ATF1: variants seen among roughly 807,000 people sequenced by gnomAD.
ATF1 encodes cyclic AMP-dependent transcription factor ATF-1.
In ATF1, 16 loss-of-function variants were observed where a neutral mutation model predicts 34.7. That is an observed-to-expected ratio of 0.46 (90% CI 0.31 to 0.70). The LOEUF is 0.70. Ranked by LOEUF, ATF1 falls within the 30% of genes least tolerant of loss-of-function variation. The pLI is 0.05. For synonymous variants in ATF1, 105 were observed against 113.1 expected, an observed-to-expected ratio of 0.93 and a Z score of 0.46; for missense variants, 255 against 321.6, an observed-to-expected ratio of 0.79 and a Z score of 1.58.
intron 2 of ATF1, among the ~76,000 whole-genome samples, chr12:50,791,926 T>A (rs993277653): frequency 1.3e-5 from 2 of 152,132 alleles, no homozygotes; most frequent in East Asian, 1.9e-4. Flanking sequence ...ATATATATAT[T>A]TTTTCAAGAT....
intron 3 of ATF1, among the ~76,000 whole-genome samples, chr12:50,808,592 A>C (rs1258096723): frequency 6.6e-6 from 1 of 151,654 alleles, no homozygotes; most frequent in Non-Finnish European, 1.5e-5. Flanking sequence ...AGCCTCCCAA[A>C]GTGTTGGGAT....
At position 50,820,174 on chromosome 12, in the gene ATF1, A is replaced by ATGTG. The variant is rs34967117; in HGVS notation, c.*409_*412dup. ...AATTTACCTTTTTTTAGTTATATATATGTGTGTGTGTGTGTGTAATTTCTG... is the reference window on the plus strand; with the variant it reads ...AATTTACCTTTTTTTAGTTATATATATGTGTGTGTGTGTGTGTGTGTAATTTCTG... On this transcript the variant is annotated 3_prime_UTR_variant, in exon 7 of 7. Transcript: ENST00000262053. 277 of 213,308 alleles carry ATGTG rather than the reference A, an allele frequency of 1.3e-3. No individual in the cohort carries two copies. Among genetic ancestry groups the ATGTG allele is most frequent in the African/African-American group, 5.0e-3 (218 of 43,970 alleles). The allele number at this position is 213,308 out of a possible 1,614,324, so 13.2% of individuals were successfully genotyped here. A position where few individuals can be genotyped will look rare whatever the true frequency, so the allele number is the denominator to read the frequency against.
rs571473917 is a variant in ATF1 at position 50,771,862 on chromosome 12, G to A, written c.-7+7555G>A. On this transcript the variant is annotated intron_variant, in intron 1 of 6. Transcript: ENST00000262053. ...TCGTCACTGCTGTGCTCCCACCAGCGCCATGACAGTTCACAAATGCCATGG... is the reference window on the plus strand; with the variant it reads ...TCGTCACTGCTGTGCTCCCACCAGCACCATGACAGTTCACAAATGCCATGG... Among the ~76,000 whole-genome samples the A allele has an allele frequency of 8.5e-5, 13 of 152,244 alleles. No individual in the cohort carries two copies. In the South Asian group the frequency reaches 1.2e-3, roughly 15 times the overall value.
intron 3 of ATF1, among the ~76,000 whole-genome samples, chr12:50,801,740 GA>G (rs1440316805): frequency 6.6e-6 from 1 of 152,116 alleles, no homozygotes; most frequent in African/African-American, 2.4e-5. Flanking sequence ...GCAAGACACA[GA>G]AAAAGCATTT....
At position 50,802,871 on chromosome 12, in the gene ATF1, C is replaced by CAAAAA. The variant is rs71443203; in HGVS notation, c.195-6566_195-6562dup. ...TGGGTATCAGAAGGAGACTCCATCT[C>CAAAAA]AAAAAAAAAAAAAAAAAAAAAAAGA... On this transcript the variant is annotated intron_variant, in intron 3 of 6. Transcript: ENST00000262053. 7.0e-4 allele frequency among the ~76,000 whole-genome samples: 33 copies of CAAAAA among 46,874 alleles called. 1 individual carries two copies. Among genetic ancestry groups the CAAAAA allele is most frequent in the African/African-American group, 2.9e-3 (28 of 9,776 alleles). 30.8% of individuals were successfully genotyped at this position (46,874 alleles called of 152,430 possible). A position where few individuals can be genotyped will look rare whatever the true frequency, so the allele number is the denominator to read the frequency against.
At chr12:50,777,457 C>G (rs1440795452) in intron 1 of ATF1, among the ~76,000 whole-genome samples, 2 of 152,044 alleles carry the variant, frequency 1.3e-5, no homozygotes, top group South Asian at 4.1e-4. Context: ...TGACTAAAAA[C>G]AAGAGCTTCA....
chr12:50,797,032 T>C (rs997637544), intron 3 of ATF1, among the ~76,000 whole-genome samples: 2 of 152,164 alleles, frequency 1.3e-5, no homozygotes, highest in African/African-American at 2.4e-5. Flanking sequence ...TTAATACCCG[T>C]AACTGAAGAC....
intron 6 of ATF1, among the ~76,000 whole-genome samples, chr12:50,817,519 C>T (rs557324440): frequency 6.6e-5 from 10 of 152,092 alleles, no homozygotes; most frequent in African/African-American, 2.4e-4. Context: ...TGAGATGTCA[C>T]GTAGCAAAAA....
chr12:50,769,751 T>C (rs1452953675), intron 1 of ATF1, among the ~76,000 whole-genome samples: 1 of 152,212 alleles, frequency 6.6e-6, no homozygotes, highest in African/African-American at 2.4e-5. Flanking sequence ...CTCCTAAAAC[T>C]TTTTATCATC....
chr12:50,787,958 G>A (rs1565906967), intron 2 of ATF1, among the ~76,000 whole-genome samples: 1 of 152,144 alleles, frequency 6.6e-6, no homozygotes, highest in Non-Finnish European at 1.5e-5. Flanking sequence ...AAAGTCATGT[G>A]ACTAGATGGG....
chr12:50,805,675 A>G (rs922993860), intron 3 of ATF1, among the ~76,000 whole-genome samples: 3 of 152,042 alleles, frequency 2.0e-5, no homozygotes, highest in Non-Finnish European at 4.4e-5. Context: ...TCAAGCATGA[A>G]TAATTAGTTC....
At chr12:50,777,707 C>G (rs376734765) in intron 1 of ATF1, among the ~76,000 whole-genome samples, 138 of 150,458 alleles carry the variant, frequency 9.2e-4, no homozygotes, top group African/African-American at 3.3e-3. Flanking sequence ...GTTGAGCCTG[C>G]GAGGTCAAGG....
rs1428827858 is a variant in ATF1, at chr12:50,781,936, C to A, written c.93+1698C>A. On this transcript the variant is annotated intron_variant, in intron 2 of 6. Transcript: ENST00000262053. Reference sequence around the variant, plus strand: ...TCTCCAAAAAAAAAAAAAAAAAAATCATGCATGAGTGTAAGAGCCATTTAA... The same window carrying A: ...TCTCCAAAAAAAAAAAAAAAAAAATAATGCATGAGTGTAAGAGCCATTTAA... Among the ~76,000 whole-genome samples the A allele has an allele frequency of 5.1e-5, 7 of 137,562 alleles. No individual in the cohort carries two copies. The South Asian group carries it at 1.6e-3, about 31-fold the overall frequency. 90.2% of individuals were successfully genotyped at this position (137,562 alleles called of 152,430 possible). A position where few individuals can be genotyped will look rare whatever the true frequency, so the allele number is the denominator to read the frequency against.
chr12:50,818,151 C>T (rs1399341587), intron 6 of ATF1, among the ~76,000 whole-genome samples: 1 of 152,028 alleles, frequency 6.6e-6, no homozygotes. Flanking sequence ...TGTAGAAATA[C>T]ACGTAAAGAA....
intron 3 of ATF1, among the ~76,000 whole-genome samples, 157 bp from the exon 4 acceptor site, chr12:50,809,299 G>A (rs1259166406): frequency 6.6e-6 from 1 of 150,792 alleles, no homozygotes; most frequent in Non-Finnish European, 1.5e-5. Flanking sequence ...TCTTAAGCCA[G>A]GGAAGCAGAG....
intron 3 of ATF1, among the ~76,000 whole-genome samples, chr12:50,802,098 T>C (rs1941522916): frequency 6.6e-6 from 1 of 152,220 alleles, no homozygotes; most frequent in African/African-American, 2.4e-5. Flanking sequence ...TGTATTTCCA[T>C]ATACTAGCAA....
intron 3 of ATF1, among the ~76,000 whole-genome samples, chr12:50,805,324 G>A (rs969724450): frequency 6.6e-6 from 1 of 151,958 alleles, no homozygotes; most frequent in Non-Finnish European, 1.5e-5. Flanking sequence ...GGGAGGCCGA[G>A]GTGGCCAGAT....
intron 4 of ATF1, among the ~76,000 whole-genome samples, chr12:50,811,403 C>T (rs1941734501): frequency 6.6e-6 from 1 of 152,086 alleles, no homozygotes; most frequent in Non-Finnish European, 1.5e-5. Context: ...TTCACAACTA[C>T]ATCCTTGACA....
chr12:50,788,504 A>T (rs1228974100), intron 2 of ATF1, among the ~76,000 whole-genome samples: 4 of 149,182 alleles, frequency 2.7e-5, no homozygotes, highest in Admixed American at 1.3e-4. Flanking sequence ...TTTTTTTTGG[A>T]AACCGAGTAT....
Sources: allele counts gnomAD v4.1 joint callset (sites outside exome capture counted in the v4.1 genomes callset), GRCh38; gene constraint gnomAD v4.1.1; transcripts MANE v1.5; gene names NCBI Gene and HGNC (gene_info 2026-07-23, HGNC 2026-07-21).